The following DOK6 variants were observed in gnomAD, a reference collection of about 807,000 sequenced individuals.
DOK6 encodes downstream of tyrosine kinase 6.
DOK6 carries 22 observed loss-of-function variants against 44.0 expected under a neutral mutation model. The observed-to-expected ratio is 0.50, with a 90% CI of 0.36 to 0.71. The LOEUF (loss-of-function observed/expected upper bound fraction) is 0.71, where lower values mean the gene tolerates loss of function less well. Ranked by LOEUF, DOK6 falls within the 30% of genes least tolerant of loss-of-function variation. The pLI is 0.00. For synonymous variants in DOK6, 166 were observed against 145.5 expected (o/e 1.14, Z -1.01); for missense variants, 340 against 416.4 (o/e 0.82, Z 1.60).
In DOK6 at chr18:69,634,066, C is replaced by A. The variant is rs370984758; in HGVS notation, c.289+34568C>A. On this transcript the variant is annotated intron_variant, in intron 3 of 7. Coordinates refer to ENST00000382713, the MANE Select transcript of DOK6 (RefSeq NM_152721.6). ...AATATAAGAAAGTTATCTCCCAAAT[C>A]AAAAAAAAAAAAGTACAAAATGGTT... Among the ~76,000 whole-genome samples, 456 of 139,622 alleles carry A rather than the reference C, an allele frequency of 3.3e-3. 3 individuals carry two copies. Among genetic ancestry groups the A allele is most frequent in the Middle Eastern group, 0.011 (3 of 270 alleles). 91.6% of individuals were successfully genotyped at this position (139,622 alleles called of 152,430 possible).
intron 2 of DOK6, among the ~76,000 whole-genome samples, chr18:69,597,313 A>C (rs1057238323): frequency 1.3e-5 from 2 of 152,218 alleles, no homozygotes; most frequent in Non-Finnish European, 2.9e-5. Flanking sequence ...GTTATGGTCT[A>C]TAAAGCCTCT....
At chr18:69,677,966 A>T in intron 4 of DOK6, 113 bp downstream of exon 4, 1 of 1,426,992 alleles carries the variant, frequency 7.0e-7, no homozygotes, top group Non-Finnish European at 9.2e-7. Flanking sequence ...TAAATCAAAA[A>T]GGCCGAGTGC....
chr18:69,731,161 A>G (rs1032867058), intron 5 of DOK6, among the ~76,000 whole-genome samples: 2 of 152,210 alleles, frequency 1.3e-5, no homozygotes, highest in South Asian at 4.1e-4. Context: ...AACTAACACA[A>G]TAAGGTAATA....
In DOK6 at chr18:69,848,985, C is replaced by T. The variant is rs1982413046; in HGVS notation, c.*7602C>T. ...TGTAACTATGTAATTAAACAAAATT[C>T]TGACAATCATATTCTGCTAATGTTT... On this transcript the variant is annotated 3_prime_UTR_variant, in exon 8 of 8. Coordinates refer to ENST00000382713, the MANE Select transcript of DOK6 (RefSeq NM_152721.6). 1.3e-5 allele frequency: 2 copies of T among 152,154 alleles called. No individual in the cohort carries two copies. Among genetic ancestry groups the T allele is most frequent in the Admixed American group, 6.5e-5 (1 of 15,282 alleles). The allele number at this position is 152,154 out of a possible 1,614,324, so 9.4% of individuals were successfully genotyped here. A position where few individuals can be genotyped will look rare whatever the true frequency, so the allele number is the denominator to read the frequency against.
intron 1 of DOK6, among the ~76,000 whole-genome samples, chr18:69,463,279 C>A (rs1230173096): frequency 6.6e-6 from 1 of 152,154 alleles, no homozygotes; most frequent in African/African-American, 2.4e-5. Context: ...GGCCTCTCCT[C>A]TCCCCAGCAT....
intron 3 of DOK6, chr18:69,618,451 TAA>T (rs1458202417): frequency 6.3e-6 from 1 of 157,692 alleles, no homozygotes; most frequent in Non-Finnish European, 1.4e-5. Context: ...AAGAAGGGTT[TAA>T]GAGTTTTGTA....
At chr18:69,690,215 T>G (rs1986235657) in intron 4 of DOK6, among the ~76,000 whole-genome samples, 1 of 152,156 alleles carries the variant, frequency 6.6e-6, no homozygotes, top group African/African-American at 2.4e-5. Flanking sequence ...TACTGCTGAT[T>G]GTTCAAGAAA....
chr18:69,664,422 T>A (rs142572761), intron 3 of DOK6, among the ~76,000 whole-genome samples: 2,142 of 152,350 alleles, frequency 0.014, 47 homozygotes, highest in African/African-American at 0.049. Flanking sequence ...ATCATCTTTA[T>A]GCAAATTATC....
intron 5 of DOK6, among the ~76,000 whole-genome samples, chr18:69,721,118 A>G (rs4393673): frequency 0.66 from 99,793 of 152,032 alleles, 33,339 homozygotes; most frequent in East Asian, 0.89. Context: ...ACCCATGATT[A>G]TATACAAATG....
rs760063224 is a variant in DOK6 at position 69,564,507 on chromosome 18, G to A, written c.87G>A (p.Leu29=). The change falls in exon 2 of 8, where the codon TTG becomes TTA. Residue 29 remains leucine (L), a synonymous_variant. Coordinates refer to ENST00000382713, the MANE Select transcript of DOK6 (RefSeq NM_152721.6). Reference sequence around the variant, plus strand: ...TTCAGATTTTCAGACGATGCTGGTTGGTTTTCAAGAAGGCTTCTAGCAAAG... The same window carrying A: ...TTCAGATTTTCAGACGATGCTGGTTAGTTTTCAAGAAGGCTTCTAGCAAAG... The part of the protein sequence containing the change: ...RKLGIFRRCW[L]VFKKASSKGP... 6 of 1,613,786 alleles carry A rather than the reference G, an allele frequency of 3.7e-6. No individual in the cohort carries two copies. The highest frequency in any genetic ancestry group is 1.1e-5 in the South Asian group (1 of 91,004).
At chr18:69,824,345 A>T (rs1363132914) in intron 7 of DOK6, among the ~76,000 whole-genome samples, 2 of 123,304 alleles carry the variant, frequency 1.6e-5, no homozygotes, top group African/African-American at 3.0e-5. Flanking sequence ...GGTTTTTACA[A>T]AAAAAAAAAA....
chr18:69,518,664 A>T (rs1981601387), intron 1 of DOK6, among the ~76,000 whole-genome samples: 1 of 152,168 alleles, frequency 6.6e-6, no homozygotes, highest in South Asian at 2.1e-4. Context: ...ATATGTTGAT[A>T]ATCTTTTCAT....
chr18:69,618,697 G>C (rs1192122807), intron 3 of DOK6: 1 of 152,040 alleles, frequency 6.6e-6, no homozygotes, highest in East Asian at 1.9e-4. Context: ...CATAAGAAGA[G>C]TACAACAGTA....
intron 1 of DOK6, among the ~76,000 whole-genome samples, chr18:69,440,753 A>AACACAC (rs55904998): frequency 2.0e-5 from 3 of 149,926 alleles, no homozygotes; most frequent in African/African-American, 7.3e-5. Flanking sequence ...TACACACACA[A>AACACAC]ACACACACAC....
intron 7 of DOK6, among the ~76,000 whole-genome samples, chr18:69,798,884 G>A (rs553904099): frequency 3.9e-5 from 6 of 151,916 alleles, no homozygotes; most frequent in African/African-American, 9.7e-5. Context: ...CAGAGAGGAC[G>A]GTTTTGAGAT....
intron 1 of DOK6, among the ~76,000 whole-genome samples, chr18:69,502,930 T>TA (rs1981086578): frequency 1.3e-5 from 2 of 152,236 alleles, no homozygotes; most frequent in South Asian, 2.1e-4. Context: ...ATGGAGCCGT[T>TA]ACATTTATCT....
rs905397412 is a variant in DOK6 at position 69,465,961 on chromosome 18, T to C, written c.66+64651T>C. Among the ~76,000 whole-genome samples, 10 of 152,234 alleles carry C rather than the reference T, an allele frequency of 6.6e-5. No homozygotes were observed. The East Asian group carries it at 1.9e-3, about 29-fold the overall frequency. ...ATATGGTGTATGACATGATGCTTTATACATTGTGAAATAGTTAAATTAAGC... is the reference window on the plus strand; with the variant it reads ...ATATGGTGTATGACATGATGCTTTACACATTGTGAAATAGTTAAATTAAGC... On this transcript the variant is annotated intron_variant, in intron 1 of 7. Coordinates refer to ENST00000382713, the MANE Select transcript of DOK6 (RefSeq NM_152721.6).
At chr18:69,722,241 TA>T (rs1568105123) in intron 5 of DOK6, among the ~76,000 whole-genome samples, 1 of 152,242 alleles carries the variant, frequency 6.6e-6, no homozygotes, top group Non-Finnish European at 1.5e-5. Context: ...TTTGAACTTT[TA>T]GTTCATATTT....
chr18:69,597,658 G>A (rs1420606267), intron 2 of DOK6, among the ~76,000 whole-genome samples: 2 of 152,186 alleles, frequency 1.3e-5, no homozygotes, highest in East Asian at 3.9e-4. Context: ...GCATGAAAAG[G>A]ACATGTGTCT....
Sources: gnomAD v4.1 joint callset for allele counts (sites outside exome capture counted in the v4.1 genomes callset) on GRCh38, gnomAD v4.1.1 for gene constraint, MANE v1.5 for transcripts, NCBI Gene and HGNC (gene_info 2026-07-23, HGNC 2026-07-21) for gene names.